The following C8orf34 variants were observed in gnomAD, a reference collection of about 807,000 sequenced individuals.
The protein encoded by C8orf34 is chromosome 8 open reading frame 34.
C8orf34 carries 65 observed loss-of-function variants against 68.3 expected under a neutral mutation model. The ratio of observed to expected loss-of-function variants is 0.95; its 90% CI spans 0.78 to 1.17. The LOEUF (loss-of-function observed/expected upper bound fraction) is 1.17. Ranked by LOEUF, C8orf34 falls within the 50% of genes most tolerant of loss-of-function variation. The pLI is 0.00. For synonymous variants in C8orf34, 244 were observed against 241.2 expected (o/e 1.01, Z -0.11); for missense variants, 664 against 655.4 (o/e 1.01, Z -0.14).
chr8:68,425,552 T>C (rs951882107), intron 1 of C8orf34, among the ~76,000 whole-genome samples: 1 of 152,160 alleles, frequency 6.6e-6, no homozygotes, highest in South Asian at 2.1e-4. Context: ...AAAAATCATG[T>C]ACCAGATCTT....
intron 7 of C8orf34, among the ~76,000 whole-genome samples, chr8:68,566,749 G>A (rs373564068): frequency 9.8e-5 from 15 of 152,298 alleles, no homozygotes; most frequent in East Asian, 5.8e-4. Context: ...GCAATAAGGC[G>A]TTGTGCTTTC....
chr8:68,654,815 G>A (rs992693521), intron 8 of C8orf34, among the ~76,000 whole-genome samples: 1 of 151,996 alleles, frequency 6.6e-6, no homozygotes, highest in Non-Finnish European at 1.5e-5. Context: ...AAATTCTTTT[G>A]ACTGCTAGGT....
chr8:68,806,498 T>C (rs1248078824), intron 12 of C8orf34, among the ~76,000 whole-genome samples: 1 of 152,174 alleles, frequency 6.6e-6, no homozygotes, highest in African/African-American at 2.4e-5. Flanking sequence ...TAAAATGATA[T>C]CTGTCATTTT....
chr8:68,596,948 A>C (rs939539360), intron 7 of C8orf34, among the ~76,000 whole-genome samples: 3 of 152,212 alleles, frequency 2.0e-5, no homozygotes, highest in African/African-American at 7.2e-5. Context: ...AGAACTTCTC[A>C]AAGTATATAT....
rs1215261421 is a variant in C8orf34, at chr8:68,333,076, T to C, written c.327+1737T>C. Among the ~76,000 whole-genome samples the C allele has an allele frequency of 4.6e-5, 7 of 152,306 alleles. No homozygotes were observed. The South Asian group carries it at 1.4e-3, about 32-fold the overall frequency. On this transcript the variant is annotated intron_variant, in intron 1 of 13. Transcript: ENST00000518698. ...TTAGCCTGGGAGAATAAATGAATTG[T>C]TTTTAATAAATACTGTTTTAATTTG...
At chr8:68,789,813 G>T (rs1204203890) in intron 12 of C8orf34, among the ~76,000 whole-genome samples, 2 of 152,040 alleles carry the variant, frequency 1.3e-5, no homozygotes, top group Non-Finnish European at 2.9e-5. Flanking sequence ...TGTTATAAAA[G>T]TTATTTATAC....
At chr8:68,649,573 G>A (rs1207180054) in intron 8 of C8orf34, among the ~76,000 whole-genome samples, 2 of 152,320 alleles carry the variant, frequency 1.3e-5, no homozygotes, top group East Asian at 3.9e-4. Flanking sequence ...CATGAAGGAA[G>A]ACATGAGAAT....
At chr8:68,424,865 A>C (rs1199439535) in intron 1 of C8orf34, among the ~76,000 whole-genome samples, 1 of 152,118 alleles carries the variant, frequency 6.6e-6, no homozygotes, top group Non-Finnish European at 1.5e-5. Context: ...GCGCCACTGC[A>C]CTCCAGCCTG....
At chr8:68,742,745 G>A (rs1462710184) in intron 10 of C8orf34, among the ~76,000 whole-genome samples, 1 of 114,412 alleles carries the variant, frequency 8.7e-6, no homozygotes, top group Non-Finnish European at 1.8e-5. Flanking sequence ...GAAAGACACA[G>A]CTTCTTTCTC....
At chr8:68,484,044 C>T (rs1371460133) in intron 4 of C8orf34, among the ~76,000 whole-genome samples, 2 of 152,160 alleles carry the variant, frequency 1.3e-5, no homozygotes, top group Non-Finnish European at 2.9e-5. Flanking sequence ...TATGGTTTTG[C>T]AGGCTGTACA....
intron 5 of C8orf34, among the ~76,000 whole-genome samples, chr8:68,498,749 T>A (rs1353478704): frequency 1.3e-5 from 2 of 152,196 alleles, no homozygotes; most frequent in Non-Finnish European, 2.9e-5. Flanking sequence ...GAAATATCAT[T>A]AAGAACCCAG....
Position 68,535,055 on chromosome 8 carries a change from A to G in C8orf34, c.1105+1906A>G, listed in dbSNP as rs930717795. 5.1e-6 allele frequency: 5 copies of G among 985,436 alleles called. No homozygotes were observed. The Admixed American group carries it at 2.5e-4, about 48-fold the overall frequency. The allele number at this position is 985,436 out of a possible 1,614,324, so 61.0% of individuals were successfully genotyped here. A position where few individuals can be genotyped will look rare whatever the true frequency, so the allele number is the denominator to read the frequency against. On this transcript the variant is annotated intron_variant, in intron 7 of 13. Coordinates refer to ENST00000518698, the MANE Select transcript of C8orf34 (RefSeq NM_052958.4). ...GTGTAATAATGTTGGTCTCTAGGTC[A>G]TGAGATTATCCTCTTATAGCTTGGA...
intron 8 of C8orf34, among the ~76,000 whole-genome samples, chr8:68,644,532 A>T (rs942695956): frequency 6.6e-6 from 1 of 152,172 alleles, no homozygotes; most frequent in African/African-American, 2.4e-5. Flanking sequence ...TTCAGCTCAA[A>T]GTAATAAGTA....
At chr8:68,415,652 A>C (rs1192761375) in intron 1 of C8orf34, among the ~76,000 whole-genome samples, 1 of 152,192 alleles carries the variant, frequency 6.6e-6, no homozygotes, top group African/African-American at 2.4e-5. Context: ...GCCTAAGCTG[A>C]AGATTACTTA....
chr8:68,484,987 TA>T (rs1298829191), intron 4 of C8orf34, among the ~76,000 whole-genome samples: 1 of 152,236 alleles, frequency 6.6e-6, no homozygotes, highest in African/African-American at 2.4e-5. Flanking sequence ...TTGGCATAAT[TA>T]AAGGCATAAT....
At chr8:68,642,656 A>G (rs979052041) in intron 8 of C8orf34, among the ~76,000 whole-genome samples, 1 of 152,168 alleles carries the variant, frequency 6.6e-6, no homozygotes, top group Non-Finnish European at 1.5e-5. Context: ...GTAAGAGGAA[A>G]CTGAACTTAG....
intron 7 of C8orf34, among the ~76,000 whole-genome samples, chr8:68,536,098 T>C (rs1390909137): frequency 6.6e-6 from 1 of 151,968 alleles, no homozygotes; most frequent in Non-Finnish European, 1.5e-5. Context: ...GAGAGATTTA[T>C]TGCTGGGCAT....
chr8:68,635,372 A>G (rs113406094), intron 7 of C8orf34, among the ~76,000 whole-genome samples: 1 of 152,196 alleles, frequency 6.6e-6, no homozygotes, highest in East Asian at 1.9e-4. Context: ...CCTAGCCCAG[A>G]ATTAACCACA....
Position 68,635,772 on chromosome 8 carries a change from AG to A in C8orf34, c.1106-4602del. Among the ~76,000 whole-genome samples the A allele has an allele frequency of 1.3e-5, 2 of 152,328 alleles. 1 individual carries two copies. The highest frequency in any genetic ancestry group is 4.1e-4 in the South Asian group (2 of 4,828). On this transcript the variant is annotated intron_variant, in intron 7 of 13. Coordinates refer to ENST00000518698, the MANE Select transcript of C8orf34 (RefSeq NM_052958.4). ...CCTTTGAGCAACTATAAATGTTAAA[AG>A]GTTGTTATATTGATGAGAAACACAC...
Sources: allele counts gnomAD v4.1 joint callset (sites outside exome capture counted in the v4.1 genomes callset), GRCh38; gene constraint gnomAD v4.1.1; transcripts MANE v1.5; gene names NCBI Gene and HGNC (gene_info 2026-07-23, HGNC 2026-07-21).